The following ARSB variants were observed in gnomAD, a reference collection of about 807,000 sequenced individuals.
The protein encoded by ARSB is arylsulfatase B, also known as N-acetylgalactosamine-4-sulfatase.
Under a neutral mutation model 50.9 loss-of-function variants are expected in ARSB, and 41 were observed. The ratio of observed to expected loss-of-function variants is 0.81; its 90% confidence interval spans 0.63 to 1.04. ARSB has a LOEUF of 1.04. Among genes scored for constraint, ARSB ranks in the 50% least tolerant of loss-of-function variants. The pLI is 0.00. For missense variants in ARSB, 672 were observed against 693.3 expected, an observed-to-expected ratio of 0.97 and a Z score of 0.35; for synonymous variants, 269 against 284.8, an observed-to-expected ratio of 0.94 and a Z score of 0.56.
intron 6 of ARSB, among the ~76,000 whole-genome samples, chr5:78,802,457 G>A (rs569255112): frequency 5.3e-5 from 8 of 152,148 alleles, no homozygotes; most frequent in Non-Finnish European, 7.3e-5. Context: ...GGGTGTTTGA[G>A]AAATATTATG....
intron 6 of ARSB, among the ~76,000 whole-genome samples, chr5:78,792,908 A>T (rs1743027267): frequency 6.6e-6 from 1 of 152,200 alleles, no homozygotes; most frequent in South Asian, 2.1e-4. Context: ...TTGTTAGAAA[A>T]TTATGTGGGG....
At chr5:78,942,901 T>G (rs1173057454) in intron 4 of ARSB, among the ~76,000 whole-genome samples, 1 of 152,198 alleles carries the variant, frequency 6.6e-6, no homozygotes, top group Non-Finnish European at 1.5e-5. Context: ...CCCATTATTA[T>G]TGTGTGGGAG....
At chr5:78,849,431 G>T (rs919093712) in intron 5 of ARSB, among the ~76,000 whole-genome samples, 2 of 151,916 alleles carry the variant, frequency 1.3e-5, no homozygotes, top group African/African-American at 4.8e-5. Context: ...CTATATCTCT[G>T]TTTTGGTACC....
chr5:78,913,264 A>T (rs1749388663), intron 4 of ARSB, among the ~76,000 whole-genome samples: 1 of 152,096 alleles, frequency 6.6e-6, no homozygotes. Context: ...AGCTGGGACT[A>T]CAGGCGCCCG....
chr5:78,815,916 C>A lies in ARSB; in HGVS notation c.1213+23440G>T. ...TAAGTAAGACAGCCTCCTGGGGCCCCTTCTTTCTTGGAGAAGGCACTTTTC... is the reference window on the plus strand; with the variant it reads ...TAAGTAAGACAGCCTCCTGGGGCCCATTCTTTCTTGGAGAAGGCACTTTTC... On this transcript the variant is annotated intron_variant, in intron 6 of 7. Coordinates refer to ENST00000264914, the MANE Select transcript of ARSB (RefSeq NM_000046.5). 3 of 1,494,678 alleles carry A rather than the reference C, an allele frequency of 2.0e-6. 1 individual carries two copies. In the East Asian group the frequency reaches 7.3e-5, roughly 36 times the overall value. 92.6% of individuals were successfully genotyped at this position (1,494,678 alleles called of 1,614,324 possible). A position where few individuals can be genotyped will look rare whatever the true frequency, so the allele number is the denominator to read the frequency against.
chr5:78,888,009 G>A (rs1288528355), intron 4 of ARSB, among the ~76,000 whole-genome samples: 3 of 152,190 alleles, frequency 2.0e-5, no homozygotes, highest in Non-Finnish European at 2.9e-5. Flanking sequence ...TTTTGGTGGC[G>A]CCCTTAACAC....
chr5:78,979,721 C>T (rs1752816691), intron 1 of ARSB, among the ~76,000 whole-genome samples: 1 of 152,244 alleles, frequency 6.6e-6, no homozygotes, highest in Non-Finnish European at 1.5e-5. Context: ...TTTTCATGGC[C>T]ATGGGACAGA....
chr5:78,908,917 G>C (rs539261937), intron 4 of ARSB, among the ~76,000 whole-genome samples: 1 of 152,252 alleles, frequency 6.6e-6, no homozygotes, highest in East Asian at 1.9e-4. Context: ...CTTGACAGAG[G>C]TGAGAGGGCT....
At chr5:78,825,397 C>T (rs927283615) in intron 6 of ARSB, among the ~76,000 whole-genome samples, 10 of 152,052 alleles carry the variant, frequency 6.6e-5, no homozygotes, top group African/African-American at 2.2e-4. Context: ...AGGGTAAATG[C>T]TGCTGTTTAT....
At chr5:78,880,609 T>C (rs1005193772) in intron 5 of ARSB, among the ~76,000 whole-genome samples, 1 of 152,210 alleles carries the variant, frequency 6.6e-6, no homozygotes, top group Non-Finnish European at 1.5e-5. Flanking sequence ...TGAAAGTTGA[T>C]GATAAACTGA....
intron 6 of ARSB, among the ~76,000 whole-genome samples, chr5:78,834,970 CCCTT>C (rs1487887699): frequency 1.0e-4 from 13 of 127,600 alleles, no homozygotes; most frequent in African/African-American, 2.2e-4. Flanking sequence ...CTCCCTCCCT[CCCTT>C]CCTTCCTTTT....
chr5:78,873,490 A>T (rs746983130), intron 5 of ARSB, among the ~76,000 whole-genome samples: 2 of 93,186 alleles, frequency 2.1e-5, no homozygotes, highest in Non-Finnish European at 4.4e-5. Flanking sequence ...ATAATATTTA[A>T]AACTGTAATT....
intron 6 of ARSB, among the ~76,000 whole-genome samples, chr5:78,827,953 G>T (rs945343331): frequency 6.6e-6 from 1 of 151,842 alleles, no homozygotes; most frequent in African/African-American, 2.4e-5. Flanking sequence ...GGAATTAGCA[G>T]ATTTTTCTTT....
At chr5:78,792,543 TTCTTA>T (rs1742995431) in intron 6 of ARSB, among the ~76,000 whole-genome samples, 1 of 152,216 alleles carries the variant, frequency 6.6e-6, no homozygotes, top group Non-Finnish European at 1.5e-5. Context: ...CAAGCTCTTT[TTCTTA>T]TCTTATAAAG....
chr5:78,942,181 T>TTA (rs1307237493), intron 4 of ARSB, among the ~76,000 whole-genome samples: 20 of 152,174 alleles, frequency 1.3e-4, no homozygotes, highest in Admixed American at 7.2e-4. Context: ...CTTTTCTTCT[T>TTA]TATTAGTCTT....
At chr5:78,796,014 T>C (rs1743167012) in intron 6 of ARSB, among the ~76,000 whole-genome samples, 2 of 152,214 alleles carry the variant, frequency 1.3e-5, no homozygotes, top group African/African-American at 2.4e-5. Context: ...ACTTCAACAA[T>C]TGGTTAAGGT....
intron 6 of ARSB, among the ~76,000 whole-genome samples, chr5:78,820,830 C>T (rs970905748): frequency 1.1e-4 from 16 of 151,942 alleles, no homozygotes; most frequent in Admixed American, 7.9e-4. Context: ...CAAAAATTGC[C>T]AAATCTCCCC....
chr5:78,985,370 C>A, upstream of ARSB: 1 of 1,018,284 alleles, frequency 9.8e-7, no homozygotes, highest in East Asian at 3.6e-5. Flanking sequence ...CCCAGCGGGC[C>A]GTGGGCTTGC....
chr5:78,798,079 T>C (rs545556303), intron 6 of ARSB, among the ~76,000 whole-genome samples: 76 of 152,288 alleles, frequency 5.0e-4, no homozygotes, highest in Non-Finnish European at 9.0e-4. Flanking sequence ...TTATAGATGA[T>C]GTGGAGACAG....
Sources: allele counts gnomAD v4.1 joint callset (sites outside exome capture counted in the v4.1 genomes callset), GRCh38; gene constraint gnomAD v4.1.1; transcripts MANE v1.5; gene names NCBI Gene and HGNC (gene_info 2026-07-23, HGNC 2026-07-21).